The following RASSF8 variants were observed in gnomAD, a reference collection of about 807,000 sequenced individuals.
The protein encoded by RASSF8 is Ras association domain family member 8.
In RASSF8, 22 loss-of-function variants were observed where a neutral mutation model predicts 48.5. The observed-to-expected ratio is 0.45, with a 90% CI of 0.32 to 0.65. The LOEUF is 0.65. RASSF8 is among the 30% of genes least tolerant of loss of function. The probability of loss-of-function intolerance (pLI) is 0.03; values close to 1 mark genes in which losing one functional copy is unlikely to be tolerated. For missense variants in RASSF8, 418 were observed against 489.2 expected, an observed-to-expected ratio of 0.85 and a Z score of 1.37; for synonymous variants, 127 against 171.5, an observed-to-expected ratio of 0.74 and a Z score of 2.03.
intron 2 of RASSF8, among the ~76,000 whole-genome samples, chr12:26,021,700 G>C (rs1942791006): frequency 6.6e-6 from 1 of 152,124 alleles, no homozygotes; most frequent in Admixed American, 6.5e-5. Context: ...GCTTGTAAGG[G>C]AGAGAAGTTC....
intron 1 of RASSF8, among the ~76,000 whole-genome samples, chr12:25,968,208 C>T (rs1941402814): frequency 6.6e-6 from 1 of 152,194 alleles, no homozygotes; most frequent in Non-Finnish European, 1.5e-5. Context: ...ATCTTAATTG[C>T]CTAAACCAGT....
At chr12:26,037,782 A>G (rs1943183315) in intron 2 of RASSF8, among the ~76,000 whole-genome samples, 1 of 152,182 alleles carries the variant, frequency 6.6e-6, no homozygotes, top group Non-Finnish European at 1.5e-5. Context: ...TGCAGGGGGA[A>G]GCTTCAGAGG....
At chr12:25,992,330 G>A (rs1249963697) in intron 1 of RASSF8, among the ~76,000 whole-genome samples, 1 of 152,218 alleles carries the variant, frequency 6.6e-6, no homozygotes, top group Non-Finnish European at 1.5e-5. Flanking sequence ...ATTTGCTTGA[G>A]TTCAGTTCTT....
chr12:26,044,193 C>G (rs1009484136), intron 2 of RASSF8, among the ~76,000 whole-genome samples: 2 of 152,122 alleles, frequency 1.3e-5, no homozygotes, highest in Non-Finnish European at 2.9e-5. Context: ...ATTTTTGTGA[C>G]TGCTGGAGTG....
At chr12:26,021,838 C>G in intron 2 of RASSF8, among the ~76,000 whole-genome samples, 1 of 152,092 alleles carries the variant, frequency 6.6e-6, no homozygotes, top group Admixed American at 6.5e-5. Context: ...AAAAACCCTC[C>G]CCAAAGGAAT....
At chr12:26,005,147 T>A (rs1942358143) in intron 2 of RASSF8, among the ~76,000 whole-genome samples, 1 of 149,848 alleles carries the variant, frequency 6.7e-6, no homozygotes, top group Non-Finnish European at 1.5e-5. Flanking sequence ...TGTGTCTTTT[T>A]AAATTTTTAC....
intron 2 of RASSF8, among the ~76,000 whole-genome samples, chr12:26,022,170 A>G (rs184095446): frequency 2.0e-5 from 3 of 152,340 alleles, no homozygotes; most frequent in African/African-American, 7.2e-5. Flanking sequence ...TTGAGCTACA[A>G]AGCTGAGCGG....
upstream of RASSF8, chr12:25,958,491 CGGCGCCGGCGAGCGGGCCA>C (rs1234289374): frequency 1.3e-5 from 2 of 151,338 alleles, no homozygotes; most frequent in Non-Finnish European, 2.9e-5. Flanking sequence ...AGGTCTCTCC[CGGCGCCGGCGAGCGGGCCA>C]GGCGCGGGCG....
chr12:26,015,030 A>ACTCC (rs1555164628), intron 2 of RASSF8, among the ~76,000 whole-genome samples: 72 of 149,408 alleles, frequency 4.8e-4, no homozygotes, highest in African/African-American at 1.7e-3. Context: ...ACATAGTGAG[A>ACTCC]CCCCGTCTGT....
chr12:26,078,911 C>G (rs1020344688), intron 5 of RASSF8: 856 of 848,156 alleles, frequency 1.0e-3, no homozygotes, highest in Non-Finnish European at 1.3e-3. Flanking sequence ...AAAAAAGGCG[C>G]TAACCGAAAA....
chr12:26,062,439 C>T (rs1249986005), intron 3 of RASSF8, among the ~76,000 whole-genome samples: 2 of 152,134 alleles, frequency 1.3e-5, no homozygotes, highest in Non-Finnish European at 2.9e-5. Flanking sequence ...ATTTCACAAA[C>T]ATATTTATAT....
At chr12:26,007,273 A>G (rs1942414720) in intron 2 of RASSF8, among the ~76,000 whole-genome samples, 1 of 152,156 alleles carries the variant, frequency 6.6e-6, no homozygotes, top group Admixed American at 6.5e-5. Flanking sequence ...ATCAAATTTC[A>G]ACATAACACC....
intron 2 of RASSF8, among the ~76,000 whole-genome samples, chr12:26,038,459 GGCTTTT>G: frequency 6.6e-6 from 1 of 152,186 alleles, no homozygotes; most frequent in East Asian, 1.9e-4. Context: ...CTAGATATTT[GGCTTTT>G]AAATGTATCT....
At chr12:25,991,616 C>T (rs1159556064) in intron 1 of RASSF8, among the ~76,000 whole-genome samples, 2 of 152,102 alleles carry the variant, frequency 1.3e-5, no homozygotes, top group South Asian at 2.1e-4. Context: ...CACAAATTTG[C>T]GCTGGTTGTT....
In RASSF8 at chr12:25,967,458, T is replaced by A. The variant is rs75995224; in HGVS notation, c.-203+8310T>A. Among the ~76,000 whole-genome samples, 920 of 152,316 alleles carry A rather than the reference T, an allele frequency of 6.0e-3. 4 individuals carry two copies. Among genetic ancestry groups the A allele is most frequent in the African/African-American group, 0.021 (868 of 41,562 alleles). ...CCAACCTAGATCATTCACTTAATTT[T>A]AATTTTTCTATTCTTGATTATGTGT... On this transcript the variant is annotated intron_variant, in intron 1 of 5. Transcript: ENST00000689635.
At chr12:25,981,000 T>G (rs1941729418) in intron 1 of RASSF8, among the ~76,000 whole-genome samples, 1 of 152,132 alleles carries the variant, frequency 6.6e-6, no homozygotes, top group Non-Finnish European at 1.5e-5. Flanking sequence ...TTATGGGCAG[T>G]ATAAGGAGAT....
Position 26,071,703 on chromosome 12 carries a change from C to T in RASSF8, c.*2885C>T. ...TTCAGTTGGTATTAATAGGAGTTAC[C>T]TATTTAATTCTCCCAGTCATCAATG... is the stretch of plus-strand genomic sequence containing the variant. On this transcript the variant is annotated 3_prime_UTR_variant, in exon 6 of 6. Coordinates refer to ENST00000689635, the MANE Select transcript of RASSF8 (RefSeq NM_001394098.1). 1 of 982,548 alleles carries T rather than the reference C, an allele frequency of 1.0e-6. No homozygotes were observed. The allele number at this position is 982,548 out of a possible 1,614,324, so 60.9% of individuals were successfully genotyped here.
chr12:26,023,681 A>C (rs185367522), intron 2 of RASSF8, among the ~76,000 whole-genome samples: 1 of 148,996 alleles, frequency 6.7e-6, no homozygotes, highest in East Asian at 1.9e-4. Context: ...AACAAAAAAC[A>C]AAAAAAAACA....
At chr12:25,971,061 C>T (rs1258714632) in intron 1 of RASSF8, among the ~76,000 whole-genome samples, 1 of 152,214 alleles carries the variant, frequency 6.6e-6, no homozygotes, top group Admixed American at 6.5e-5. Context: ...AACTAAGCTT[C>T]TGAGAGGCTC....
Sources: gnomAD v4.1 joint callset for allele counts (sites outside exome capture counted in the v4.1 genomes callset) on GRCh38, gnomAD v4.1.1 for gene constraint, MANE v1.5 for transcripts, NCBI Gene and HGNC (gene_info 2026-07-23, HGNC 2026-07-21) for gene names.